WIPF1: variants seen among roughly 807,000 people sequenced by gnomAD.
The protein encoded by WIPF1 is WAS/WASL-interacting protein family member 1.
In WIPF1, 13 loss-of-function variants were observed where a neutral mutation model predicts 35.4. The observed-to-expected ratio is 0.37, with a 90% CI of 0.24 to 0.58. The LOEUF (loss-of-function observed/expected upper bound fraction) is 0.58. WIPF1 is among the 20% of genes least tolerant of loss of function. The pLI is 0.74. For synonymous variants in WIPF1, 267 were observed against 266.3 expected (o/e 1.00, Z -0.02); for missense variants, 591 against 667.0 (o/e 0.89, Z 1.25).
chr2:174,637,080 A>G (rs895577365), intron 1 of WIPF1, among the ~76,000 whole-genome samples: 1 of 152,186 alleles, frequency 6.6e-6, no homozygotes, highest in African/African-American at 2.4e-5. Flanking sequence ...GTATTCAATC[A>G]TTTATTTATA....
At chr2:174,634,782 G>A (rs948234879) in intron 1 of WIPF1, among the ~76,000 whole-genome samples, 2 of 152,184 alleles carry the variant, frequency 1.3e-5, no homozygotes, top group African/African-American at 2.4e-5. Context: ...GATAAGCCAG[G>A]GGGAAGTCAT....
At chr2:174,626,243 C>T (rs1013415515) in intron 1 of WIPF1, among the ~76,000 whole-genome samples, 1 of 152,126 alleles carries the variant, frequency 6.6e-6, no homozygotes, top group Non-Finnish European at 1.5e-5. Context: ...AAGTTCGAAA[C>T]AAGAATCCTG....
At chr2:174,575,551 C>A in intron 3 of WIPF1, 171 bp from the exon 4 acceptor site, 1 of 1,168,660 alleles carries the variant, frequency 8.6e-7, no homozygotes, top group Admixed American at 2.7e-5. Flanking sequence ...CAGAACTGCC[C>A]GCTCCAGGCA....
At chr2:174,671,007 G>A (rs540945193) in intron 1 of WIPF1, among the ~76,000 whole-genome samples, 7 of 152,330 alleles carry the variant, frequency 4.6e-5, no homozygotes, top group Non-Finnish European at 5.9e-5. Context: ...AAGGAAGTCC[G>A]GAATTGGTGC....
chr2:174,612,113 C>CT (rs1185321614), intron 1 of WIPF1, among the ~76,000 whole-genome samples: 11 of 151,928 alleles, frequency 7.2e-5, no homozygotes, highest in Non-Finnish European at 1.3e-4. Flanking sequence ...CCTAGGCTAC[C>CT]TTCAAACTCT....
chr2:174,627,609 T>C (rs1559165609), intron 1 of WIPF1, among the ~76,000 whole-genome samples: 1 of 151,350 alleles, frequency 6.6e-6, no homozygotes, highest in Non-Finnish European at 1.5e-5. Context: ...GGTGTGATCA[T>C]GGCTCACTGC....
At chr2:174,652,592 T>C (rs7604197) in intron 1 of WIPF1, among the ~76,000 whole-genome samples, 1 of 152,162 alleles carries the variant, frequency 6.6e-6, no homozygotes, top group South Asian at 2.1e-4. Context: ...GAGGTTAAAT[T>C]AAAGCATTTA....
intron 1 of WIPF1, among the ~76,000 whole-genome samples, chr2:174,674,903 T>TACACACACACAC (rs35062209): frequency 2.5e-4 from 33 of 134,018 alleles, no homozygotes; most frequent in Non-Finnish European, 4.3e-4. Flanking sequence ...CAGGTTCAAA[T>TACACACACACAC]ACACACACAC....
chr2:174,564,751 AT>A (rs1403724362), intron 7 of WIPF1, among the ~76,000 whole-genome samples: 1 of 151,802 alleles, frequency 6.6e-6, no homozygotes, highest in African/African-American at 2.4e-5. Context: ...AAGTCAATTC[AT>A]TTATTGGTGC....
Position 174,612,395 on chromosome 2 carries a change from C to T in WIPF1, c.-38-26784G>A, listed in dbSNP as rs1574835170. Among the ~76,000 whole-genome samples, 10 of 152,254 alleles carry T rather than the reference C, an allele frequency of 6.6e-5. No homozygotes were observed. The South Asian group carries it at 2.1e-3, about 32-fold the overall frequency. On this transcript the variant is annotated intron_variant, in intron 1 of 8. Transcript: ENST00000272746. Reference sequence around the variant, plus strand: ...ACACAATTTTAATAGTTGCATATCTCATTTTCTGGATGTTCTATTATCTAT... The same window carrying T: ...ACACAATTTTAATAGTTGCATATCTTATTTTCTGGATGTTCTATTATCTAT...
chr2:174,618,630 T>C (rs1461775634), intron 1 of WIPF1, among the ~76,000 whole-genome samples: 1 of 152,188 alleles, frequency 6.6e-6, no homozygotes, highest in Non-Finnish European at 1.5e-5. Flanking sequence ...ATCAACTCAT[T>C]CAATTCTCAC....
intron 1 of WIPF1, among the ~76,000 whole-genome samples, chr2:174,657,910 C>CAAA (rs56717056): frequency 2.4e-4 from 23 of 96,010 alleles, no homozygotes; most frequent in South Asian, 3.7e-4. Context: ...AACTCTGTCT[C>CAAA]AAAAAAAAAA....
intron 1 of WIPF1, among the ~76,000 whole-genome samples, chr2:174,620,048 A>C (rs191494667): frequency 5.7e-4 from 87 of 152,370 alleles, no homozygotes; most frequent in African/African-American, 2.0e-3. Context: ...AATGGGTCAG[A>C]ATAATGCATA....
intron 3 of WIPF1, among the ~76,000 whole-genome samples, chr2:174,577,268 A>G (rs1685090061): frequency 6.6e-6 from 1 of 152,212 alleles, no homozygotes; most frequent in Non-Finnish European, 1.5e-5. Flanking sequence ...TCTAGTATGC[A>G]CATGGTCTTC....
chr2:174,671,051 G>GC (rs1259241270), intron 1 of WIPF1, among the ~76,000 whole-genome samples: 1 of 152,170 alleles, frequency 6.6e-6, no homozygotes, highest in Non-Finnish European at 1.5e-5. Flanking sequence ...CCTTAAAAGG[G>GC]GTAAGTCAAT....
At chr2:174,609,014 G>A (rs1429764458) in intron 1 of WIPF1, among the ~76,000 whole-genome samples, 2 of 151,978 alleles carry the variant, frequency 1.3e-5, no homozygotes, top group East Asian at 3.9e-4. Flanking sequence ...CTCCCCTAGG[G>A]GCCCTCTGAC....
At chr2:174,574,953 TAAA>T (rs3049897) in intron 4 of WIPF1, 5 of 703,910 alleles carry the variant, frequency 7.1e-6, no homozygotes, top group African/African-American at 3.6e-5. Flanking sequence ...TTTAGAAAAG[TAAA>T]AAAAAAAAAA....
chr2:174,654,013 T>C (rs931227638), intron 1 of WIPF1, among the ~76,000 whole-genome samples: 18 of 152,150 alleles, frequency 1.2e-4, no homozygotes, highest in African/African-American at 4.1e-4. Flanking sequence ...CCTTAGTAAA[T>C]CTATTTTTAA....
chr2:174,605,293 C>T (rs777900439), intron 1 of WIPF1, among the ~76,000 whole-genome samples: 1 of 152,054 alleles, frequency 6.6e-6, no homozygotes, highest in Non-Finnish European at 1.5e-5. Flanking sequence ...ATTAGCTGGG[C>T]GTGGTGGGGT....
Sources: gnomAD v4.1 joint callset for allele counts (sites outside exome capture counted in the v4.1 genomes callset) on GRCh38, gnomAD v4.1.1 for gene constraint, MANE v1.5 for transcripts, NCBI Gene and HGNC (gene_info 2026-07-23, HGNC 2026-07-21) for gene names.